The following RXRB variants were observed in gnomAD, a reference collection of about 807,000 sequenced individuals.
RXRB encodes retinoid X receptor beta.
RXRB carries 18 observed loss-of-function variants against 52.5 expected under a neutral mutation model. That is an observed-to-expected ratio of 0.34 (90% CI 0.24 to 0.51). The LOEUF is 0.51. RXRB is among the 20% of genes least tolerant of loss of function. The pLI, the probability that RXRB is intolerant of heterozygous loss-of-function variation, is 0.97. For synonymous variants in RXRB, 233 were observed against 267.1 expected (o/e 0.87, Z 1.25); for missense variants, 455 against 698.2 (o/e 0.65, Z 3.92).
chr6:33,198,613 C>A, intron 2 of RXRB, 149 bp from the exon 3 acceptor site: 2 of 806,566 alleles, frequency 2.5e-6, no homozygotes, highest in Non-Finnish European at 4.2e-6. Context: ...ATGTGAAAGG[C>A]CATCCCTGGA....
rs768156608 is a variant in RXRB, at chr6:33,196,411, A to T, written c.993+23T>A. On this transcript the variant is annotated intron_variant, in intron 5 of 9. Coordinates refer to ENST00000374680, the MANE Select transcript of RXRB (RefSeq NM_021976.5). The surrounding 1 kb of genome is among the most constrained non-coding windows in gnomAD (Gnocchi z 4.0). ...TCCCCCAACCCCCATCACGAAGGAG[A>T]GTGGATTGACCCCAACACTCACGCT... 6.2e-7 allele frequency: 1 copy of T among 1,610,180 alleles called. No homozygotes were observed. The highest frequency in any genetic ancestry group is 1.1e-5 in the South Asian group (1 of 91,042).
In RXRB at chr6:33,197,988, T is replaced by C. The variant is rs751186280; in HGVS notation, c.641-47A>G. 1.3e-6 allele frequency: 2 copies of C among 1,577,662 alleles called. No individual in the cohort carries two copies. Among genetic ancestry groups the C allele is most frequent in the South Asian group, 1.1e-5 (1 of 88,454 alleles). On this transcript the variant is annotated intron_variant, in intron 3 of 9. Coordinates refer to ENST00000374680, the MANE Select transcript of RXRB (RefSeq NM_021976.5). This position sits in a 1 kb window ranked among gnomAD's most constrained non-coding sequence, Gnocchi z 4.4. ...AATAAGAAGGTTGCATGGAGACACC[T>C]TCACCATTTAGTCTGTTTCCAATCT...
At chr6:33,199,877 T>C in intron 1 of RXRB, 2 of 637,998 alleles carry the variant, frequency 3.1e-6, no homozygotes, top group Non-Finnish European at 5.9e-6. Context: ...AGCCCCTCTA[T>C]TCCCAGCGTA....
In RXRB at chr6:33,194,136, TGCAGAAGGAGGTGAA is replaced by T. The variant is rs1306743063; in HGVS notation, c.*531_*545del. ...CACCTTTTTTATATTTCAGTCTGACTGCAGAAGGAGGTGAAGTGTAAAAAGAGACTCTGGACAGTG... is the reference window on the plus strand; with the variant it reads ...CACCTTTTTTATATTTCAGTCTGACTGTGTAAAAAGAGACTCTGGACAGTG... On this transcript the variant is annotated 3_prime_UTR_variant, in exon 10 of 10. Coordinates refer to ENST00000374680, the MANE Select transcript of RXRB (RefSeq NM_021976.5). This position sits in a 1 kb window ranked among gnomAD's most constrained non-coding sequence, Gnocchi z 4.1. The T allele has an allele frequency of 6.6e-6, 1 of 152,614 alleles. No individual in the cohort carries two copies. The highest frequency in any genetic ancestry group is 1.5e-5 in the Non-Finnish European group (1 of 68,300). The allele number at this position is 152,614 out of a possible 1,614,324, so 9.5% of individuals were successfully genotyped here. A position where few individuals can be genotyped will look rare whatever the true frequency, so the allele number is the denominator to read the frequency against.
rs752038955 is a variant in RXRB at position 33,194,965 on chromosome 6, C to T, written c.1434G>A (p.Lys478=). ...CTCACCGTCCCTGCTGCTCAGGGTACTTCTGTTTGCAGTAGGTCTCCAGTG... is the reference window on the plus strand; with the variant it reads ...CTCACCGTCCCTGCTGCTCAGGGTATTTCTGTTTGCAGTAGGTCTCCAGTG... ...YASLETYCKQ[K]YPEQQGRFAK... Residue 478 remains lysine (K), a synonymous_variant, in exon 9 of 10, where the codon AAG becomes AAA. Transcript: ENST00000374680. This position sits in a 1 kb window ranked among gnomAD's most constrained non-coding sequence, Gnocchi z 4.1. The T allele has an allele frequency of 6.2e-6, 10 of 1,612,708 alleles. No individual in the cohort carries two copies. In the Admixed American group the frequency reaches 1.2e-4, roughly 19 times the overall value.
At position 33,200,612 on chromosome 6, in the gene RXRB, T is replaced by C; in HGVS notation, c.-136A>G. On this transcript the variant is annotated 5_prime_UTR_variant, in exon 1 of 10. Transcript: ENST00000374680. This position sits in a 1 kb window ranked among gnomAD's most constrained non-coding sequence, Gnocchi z 6.3. ...TTGGGTCGAATTAAGCCCGTCGCTC[T>C]GCTCAGTACCAAAATGACAGCGCCA... The C allele has an allele frequency of 6.7e-7, 1 of 1,497,592 alleles. No homozygotes were observed. 92.8% of individuals were successfully genotyped at this position (1,497,592 alleles called of 1,614,324 possible).
Position 33,195,955 on chromosome 6 carries a change from G to A in RXRB, c.1075C>T (p.His359Tyr). 6.2e-7 allele frequency: 1 copy of A among 1,613,046 alleles called. No individual in the cohort carries two copies. Among genetic ancestry groups the A allele is most frequent in the Non-Finnish European group, 8.5e-7 (1 of 1,180,040 alleles). ...TCATCCAGAGGCAAGGAGGAAAAGT[G>A]TGGGATCCTCTTCGCCCACTCAACA... is the stretch of plus-strand genomic sequence containing the variant. ...TLVEWAKRIPHFSSLPLDDQV... is the reference protein window; with the variant it reads ...TLVEWAKRIPYFSSLPLDDQV... Residue 359 changes from histidine to tyrosine, a missense_variant, in exon 6 of 10, where the codon CAC becomes TAC. Physicochemically the swap from His to Tyr is moderately conservative, Grantham distance 83 (BLOSUM62 2). This residue lies in a region of RXRB where 115 missense variants were observed against 253.1 expected (regional missense o/e 0.45). Coordinates refer to ENST00000374680, the MANE Select transcript of RXRB (RefSeq NM_021976.5). The surrounding 1 kb of genome is among the most constrained non-coding windows in gnomAD (Gnocchi z 8.6).
rs1219646179 is a variant in RXRB, at chr6:33,196,435, C to A, written c.992G>T (p.Ser331Ile). 1 of 1,612,976 alleles carries A rather than the reference C, an allele frequency of 6.2e-7. No homozygotes were observed. Among genetic ancestry groups the A allele is most frequent in the East Asian group, 2.2e-5 (1 of 44,872 alleles). ...GPGGTGGSGS[S>I]PNDPVTNICQ... ...GAGTGGATTGACCCCAACACTCACG[C>A]TGCTGCCGCTACCCCCGGTTCCCCC... The change falls in exon 5 of 10, where the codon AGC becomes ATC. Residue 331 changes from serine (S) to isoleucine (I), a missense_variant and splice_region_variant. By Grantham distance (142) the Ser-to-Ile change is moderately radical. Transcript: ENST00000374680. This position sits in a 1 kb window ranked among gnomAD's most constrained non-coding sequence, Gnocchi z 4.0.
In RXRB at chr6:33,195,017, T is replaced by G; in HGVS notation, c.1382A>C (p.Glu461Ala). The change falls in exon 9 of 10, where the codon GAG becomes GCG. Residue 461 changes from glutamate (E) to alanine (A), a missense_variant. Around this residue, in one of 4 missense-constraint regions of RXRB, gnomAD observed 115 missense variants for 253.1 expected, o/e 0.45. Transcript: ENST00000374680. This position sits in a 1 kb window ranked among gnomAD's most constrained non-coding sequence, Gnocchi z 8.6. ...TGCATACACTTTCTCCCGCAGGACC[T>G]CCACCTCACTAGGGTTGGAGAGGCC... ...AKGLSNPSEVEVLREKVYASL... is the reference protein window; with the variant it reads ...AKGLSNPSEVAVLREKVYASL... 6.2e-7 allele frequency: 1 copy of G among 1,612,814 alleles called. No individual in the cohort carries two copies. The highest frequency in any genetic ancestry group is 8.5e-7 in the Non-Finnish European group (1 of 1,179,928).
chr6:33,194,623 G>T lies in RXRB; in HGVS notation c.*59C>A. 6.4e-7 allele frequency: 1 copy of T among 1,574,730 alleles called. No individual in the cohort carries two copies. The highest frequency in any genetic ancestry group is 1.2e-5 in the South Asian group (1 of 86,144). ...GGCCCCCCACCCTGCCCCAGGGCTT[G>T]GAGTCCCTCTTGGATGTGTGCTCCT... On this transcript the variant is annotated 3_prime_UTR_variant, in exon 10 of 10. Transcript: ENST00000374680. The surrounding 1 kb of genome is among the most constrained non-coding windows in gnomAD (Gnocchi z 4.1).
chr6:33,199,289 T>C lies in RXRB; in HGVS notation c.363A>G (p.Pro121=). The C allele has an allele frequency of 2.3e-5, 1 of 43,374 alleles. No homozygotes were observed. Among genetic ancestry groups the C allele is most frequent in the Non-Finnish European group, 3.1e-5 (1 of 31,800 alleles). 2.7% of individuals were successfully genotyped at this position (43,374 alleles called of 1,614,324 possible). ...PSLGGSGAPP[P]PPMPPPPLGS... is the part of the protein sequence containing the mutation. The stretch of plus-strand genomic sequence containing the variant: ...CCAGTGGGGGTGGTGGCATCGGGGG[T>C]GGGGGTGGGGCCCCAGAGCCTCCAA... Residue 121 remains proline, a synonymous_variant, in exon 2 of 10, where the codon CCA becomes CCG. Coordinates refer to ENST00000374680, the MANE Select transcript of RXRB (RefSeq NM_021976.5).
chr6:33,200,288 C>T lies in RXRB; in HGVS notation c.189G>A (p.Pro63=). 2 of 1,605,310 alleles carry T rather than the reference C, an allele frequency of 1.2e-6. No homozygotes were observed. The highest frequency in any genetic ancestry group is 2.2e-5 in the East Asian group (1 of 44,718). The part of the protein sequence containing the change: ...VAGGEQQTPE[P]EPGEAGRDGM... Reference sequence around the variant, plus strand: ...CGTCCCGTCCAGCCTCCCCTGGCTCCGGCTCCGGGGTTTGTTGTTCTCCGC... The same window carrying T: ...CGTCCCGTCCAGCCTCCCCTGGCTCTGGCTCCGGGGTTTGTTGTTCTCCGC... Residue 63 remains proline, a synonymous_variant, in exon 1 of 10, where the codon CCG becomes CCA. Transcript: ENST00000374680. This position sits in a 1 kb window ranked among gnomAD's most constrained non-coding sequence, Gnocchi z 6.3.
At position 33,194,789 on chromosome 6, in the gene RXRB, T is replaced by C; in HGVS notation, c.1495A>G (p.Ile499Val). 3.1e-6 allele frequency: 5 copies of C among 1,612,984 alleles called. 1 individual carries two copies. The highest frequency in any genetic ancestry group is 4.2e-6 in the Non-Finnish European group (5 of 1,180,024). The change falls in exon 10 of 10, where the codon ATT becomes GTT. Residue 499 changes from isoleucine (I) to valine (V), a missense_variant. By Grantham distance (29) the Ile-to-Val change is conservative. Around this residue, in one of 4 missense-constraint regions of RXRB, gnomAD observed 115 missense variants for 253.1 expected, o/e 0.45. Transcript: ENST00000374680. This position sits in a 1 kb window ranked among gnomAD's most constrained non-coding sequence, Gnocchi z 4.1. ...LLLRLPALRS[I>V]GLKCLEHLFF... is the part of the protein sequence containing the mutation. ...AGATGCTCTAGACACTTAAGGCCAATGGACCGGAGGGCAGGAAGACGTAGC... is the reference window on the plus strand; with the variant it reads ...AGATGCTCTAGACACTTAAGGCCAACGGACCGGAGGGCAGGAAGACGTAGC...
At position 33,194,671 on chromosome 6, in the gene RXRB, T is replaced by A. The variant is rs1429777509; in HGVS notation, c.*11A>T. The A allele has an allele frequency of 6.2e-7, 1 of 1,611,916 alleles. No individual in the cohort carries two copies. Among genetic ancestry groups the A allele is most frequent in the East Asian group, 2.2e-5 (1 of 44,892 alleles). ...CCTCCAGTGTGAGAAGCACCACGTC[T>A]GGGTCTGAGCTCAGGCCAGTTGATG... On this transcript the variant is annotated 3_prime_UTR_variant, in exon 10 of 10. Transcript: ENST00000374680. The surrounding 1 kb of genome is among the most constrained non-coding windows in gnomAD (Gnocchi z 4.1).
Position 33,196,692 on chromosome 6 carries a change from G to T in RXRB, c.821-86C>A. On this transcript the variant is annotated intron_variant, in intron 4 of 9. Coordinates refer to ENST00000374680, the MANE Select transcript of RXRB (RefSeq NM_021976.5). The surrounding 1 kb of genome is among the most constrained non-coding windows in gnomAD (Gnocchi z 4.0). ...ACAAATATCCTTACGGCCTCATCAG[G>T]ATCTCATGGCCCTTGGGAGATATTT... 2 of 1,185,060 alleles carry T rather than the reference G, an allele frequency of 1.7e-6. No individual in the cohort carries two copies. Among genetic ancestry groups the T allele is most frequent in the Non-Finnish European group, 2.4e-6 (2 of 833,064 alleles). The allele number at this position is 1,185,060 out of a possible 1,614,324, so 73.4% of individuals were successfully genotyped here.
In RXRB at chr6:33,198,429, A is replaced by T. The variant is rs1474379932; in HGVS notation, c.519T>A (p.Ser173=). The change falls in exon 3 of 10, where the codon TCT becomes TCA. Residue 173 remains serine, a synonymous_variant. Transcript: ENST00000374680. The part of the protein sequence containing the change: ...NSTVSLPGGG[S]GPPEDVKPPV... ...GTGGCTTCACATCTTCAGGGGGGCC[A>T]GACCCACCCCCAGGGAGTGACACTG... 1 of 1,612,274 alleles carries T rather than the reference A, an allele frequency of 6.2e-7. No individual in the cohort carries two copies. The highest frequency in any genetic ancestry group is 2.2e-5 in the East Asian group (1 of 44,888).
Position 33,197,857 on chromosome 6 carries a change from C to G in RXRB, c.725G>C (p.Arg242Pro). Residue 242 changes from arginine to proline, a missense_variant, in exon 4 of 10, where the codon CGG becomes CCG. By Grantham distance (103) the Arg-to-Pro change is moderately radical. This residue lies in a region of RXRB where 100 missense variants were observed against 141.9 expected (regional missense o/e 0.70). Transcript: ENST00000374680. This position sits in a 1 kb window ranked among gnomAD's most constrained non-coding sequence, Gnocchi z 4.4. ...GTCCACTGTGCAGTCTTTGTTGTCC[C>G]GGCAAGAGTATGTAAGGTCTTTGCG... is the stretch of plus-strand genomic sequence containing the variant. ...TIRKDLTYSC[R>P]DNKDCTVDKR... 1 of 1,613,836 alleles carries G rather than the reference C, an allele frequency of 6.2e-7. No homozygotes were observed. The highest frequency in any genetic ancestry group is 8.5e-7 in the Non-Finnish European group (1 of 1,180,018).
At position 33,200,310 on chromosome 6, in the gene RXRB, C is replaced by G. The variant is rs773182095; in HGVS notation, c.167G>C (p.Gly56Ala). The G allele has an allele frequency of 6.3e-7, 1 of 1,593,682 alleles. No individual in the cohort carries two copies. The highest frequency in any genetic ancestry group is 2.3e-5 in the East Asian group (1 of 43,618). ...CTCCGGCTCCGGGGTTTGTTGTTCT[C>G]CGCCTGCCACCGCCGCCGCCGCCGC... ...AAAAAAAVAG[G>A]EQQTPEPEPG... The change falls in exon 1 of 10, where the codon GGA (glycine) becomes GCA (alanine). Residue 56 changes from glycine to alanine, a missense_variant. Physicochemically the swap from Gly to Ala is moderately conservative, Grantham distance 60. Transcript: ENST00000374680. This position sits in a 1 kb window ranked among gnomAD's most constrained non-coding sequence, Gnocchi z 6.3.
rs758296800 is a variant in RXRB at position 33,195,544 on chromosome 6, T to C, written c.1256+26A>G. 5.0e-6 allele frequency: 8 copies of C among 1,612,932 alleles called. No homozygotes were observed. The African/African-American group carries it at 9.3e-5, about 19-fold the overall frequency. The stretch of plus-strand genomic sequence containing the variant: ...TATAGCCCCACCCCCTCTATCTACA[T>C]GCCAGCCTAGCCGAGGGCCACTGAC... On this transcript the variant is annotated intron_variant, in intron 7 of 9. Transcript: ENST00000374680. The surrounding 1 kb of genome is among the most constrained non-coding windows in gnomAD (Gnocchi z 8.6).
Sources: allele counts gnomAD v4.1 joint callset, GRCh38; gene constraint gnomAD v4.1.1; regional missense constraint gnomAD v4.1.1; non-coding constraint Gnocchi (gnomAD v3.1); transcripts MANE v1.5; gene names NCBI Gene and HGNC (gene_info 2026-07-23, HGNC 2026-07-21).